CSMD1: variants seen among roughly 807,000 people sequenced by gnomAD.
The protein encoded by CSMD1 is CUB and Sushi multiple domains 1.
Under a neutral mutation model 417.5 loss-of-function variants are expected in CSMD1, and 213 were observed. The ratio of observed to expected loss-of-function variants is 0.51; its 90% CI spans 0.46 to 0.57. The LOEUF is 0.57. Among genes scored for constraint, CSMD1 ranks in the 20% least tolerant of loss-of-function variants. The probability of loss-of-function intolerance (pLI) is 0.00; values close to 1 mark genes in which losing one functional copy is unlikely to be tolerated. For missense variants in CSMD1, 6,923 were observed against 4,529.7 expected (o/e 1.53, Z -15.17); for synonymous variants, 2,862 against 1,736.8 (o/e 1.65, Z -16.11).
At chr8:4,210,250 G>A (rs749407718) in intron 3 of CSMD1, among the ~76,000 whole-genome samples, 16 of 152,184 alleles carry the variant, frequency 1.1e-4, no homozygotes, top group Non-Finnish European at 2.1e-4. Flanking sequence ...GAGGGGCAGA[G>A]GACTGCTCTT....
At chr8:3,318,829 C>G (rs1333514572) in intron 23 of CSMD1, among the ~76,000 whole-genome samples, 3 of 152,158 alleles carry the variant, frequency 2.0e-5, no homozygotes, top group Non-Finnish European at 4.4e-5. Flanking sequence ...GAAATAAATG[C>G]AGCTGCTTCC....
At chr8:3,376,941 C>G (rs1256216620) in intron 18 of CSMD1, among the ~76,000 whole-genome samples, 1 of 152,142 alleles carries the variant, frequency 6.6e-6, no homozygotes, top group Non-Finnish European at 1.5e-5. Context: ...TGGATGAAAA[C>G]TATCAAACAT....
chr8:3,411,225 G>T (rs959025520), intron 12 of CSMD1, among the ~76,000 whole-genome samples: 4 of 152,148 alleles, frequency 2.6e-5, no homozygotes, highest in Non-Finnish European at 5.9e-5. Context: ...ATTCAGGGTG[G>T]TTTCTCTGGA....
In CSMD1 at chr8:3,537,782, A is replaced by G. The variant is rs142799884; in HGVS notation, c.1344+37163T>C. 2.5e-4 allele frequency among the ~76,000 whole-genome samples: 38 copies of G among 152,364 alleles called. No individual in the cohort carries two copies. The East Asian group carries it at 4.4e-3, about 18-fold the overall frequency. ...ACAGTAAAACAAGAACACTTCACCA[A>G]TTAAAGAGTCTCATCCATAGCACTT... On this transcript the variant is annotated intron_variant, in intron 10 of 69. Transcript: ENST00000635120.
chr8:4,059,022 A>C (rs1798837667), intron 3 of CSMD1, among the ~76,000 whole-genome samples: 1 of 152,044 alleles, frequency 6.6e-6, no homozygotes, highest in Non-Finnish European at 1.5e-5. Context: ...CCTATTCCAA[A>C]ATTGACCATA....
At position 4,787,797 on chromosome 8, in the gene CSMD1, G is replaced by A. The variant is rs557749482; in HGVS notation, c.86-150239C>T. ...GACTTGTTACAGGCCAGACTGAATT[G>A]GATATCATGAGTCATGCTACACAGG... On this transcript the variant is annotated intron_variant, in intron 1 of 69. Transcript: ENST00000635120. 6.9e-5 allele frequency: 109 copies of A among 1,574,012 alleles called. No individual in the cohort carries two copies. The Admixed American group carries it at 1.2e-3, about 17-fold the overall frequency.
intron 7 of CSMD1, among the ~76,000 whole-genome samples, chr8:3,678,540 A>G (rs1799495934): frequency 6.6e-6 from 1 of 152,206 alleles, no homozygotes; most frequent in African/African-American, 2.4e-5. Flanking sequence ...GACTATGTGA[A>G]AAGACCAAAT....
chr8:2,959,174 T>C (rs1439196608), intron 62 of CSMD1, among the ~76,000 whole-genome samples: 1 of 152,230 alleles, frequency 6.6e-6, no homozygotes, highest in Non-Finnish European at 1.5e-5. Context: ...GGTGCAATCA[T>C]AGCTCATTGC....
intron 3 of CSMD1, among the ~76,000 whole-genome samples, chr8:4,087,352 C>G (rs1005783743): frequency 2.6e-5 from 4 of 152,200 alleles, no homozygotes; most frequent in Non-Finnish European, 5.9e-5. Flanking sequence ...ACTTGCAAGT[C>G]TGAATTTGCT....
Position 4,267,799 on chromosome 8 carries a change from G to T in CSMD1, c.415+152154C>A, listed in dbSNP as rs185328571. Among the ~76,000 whole-genome samples the T allele has an allele frequency of 1.2e-3, 181 of 152,098 alleles. 1 individual carries two copies. The highest frequency in any genetic ancestry group is 4.2e-3 in the African/African-American group (174 of 41,510). On this transcript the variant is annotated intron_variant, in intron 3 of 69. Transcript: ENST00000635120. ...TTTATATTGAACAATGGTATGAAAA[G>T]GTACATTGCAGGTGTGCAAAATATA...
At chr8:3,423,933 A>G (rs187485375) in intron 12 of CSMD1, among the ~76,000 whole-genome samples, 189 of 152,266 alleles carry the variant, frequency 1.2e-3, no homozygotes, top group African/African-American at 4.4e-3. Context: ...CACCTCAATT[A>G]TTTAACTATT....
rs757341931 is a variant in CSMD1 at position 3,348,200 on chromosome 8, G to C, written c.3305-39C>G. The stretch of plus-strand genomic sequence containing the variant: ...GACATGAGAGAAAGAGGATTCAAAA[G>C]TGGAATTACTGTTTTTAACAGATTA... On this transcript the variant is annotated intron_variant, in intron 21 of 69. Coordinates refer to ENST00000635120, the MANE Select transcript of CSMD1 (RefSeq NM_033225.6). 4 of 1,537,890 alleles carry C rather than the reference G, an allele frequency of 2.6e-6. 1 individual carries two copies. Among genetic ancestry groups the C allele is most frequent in the Middle Eastern group, 3.9e-4 (2 of 5,084 alleles).
intron 3 of CSMD1, among the ~76,000 whole-genome samples, chr8:4,126,826 T>C (rs1267393754): frequency 1.3e-5 from 2 of 152,152 alleles, no homozygotes; most frequent in Non-Finnish European, 2.9e-5. Context: ...GTAGGAGATG[T>C]CCAGGACAAG....
intron 3 of CSMD1, among the ~76,000 whole-genome samples, chr8:4,361,366 T>G (rs775964328): frequency 1.4e-5 from 2 of 146,512 alleles, no homozygotes; most frequent in African/African-American, 2.6e-5. Context: ...GATTTTTAAT[T>G]GATTTAATGT....
intron 3 of CSMD1, among the ~76,000 whole-genome samples, chr8:4,153,906 C>G (rs1286314821): frequency 6.6e-6 from 1 of 152,234 alleles, no homozygotes; most frequent in Non-Finnish European, 1.5e-5. Flanking sequence ...ATTCCATCAT[C>G]TAACCCAGCC....
intron 3 of CSMD1, among the ~76,000 whole-genome samples, chr8:4,409,211 T>C (rs1275447813): frequency 6.6e-6 from 1 of 152,182 alleles, no homozygotes; most frequent in Non-Finnish European, 1.5e-5. Flanking sequence ...TGGAAATGAA[T>C]TTGATTGATG....
intron 2 of CSMD1, among the ~76,000 whole-genome samples, chr8:4,458,422 T>A (rs1353706314): frequency 4.6e-5 from 7 of 152,214 alleles, no homozygotes; most frequent in Non-Finnish European, 8.8e-5. Context: ...CAGTGATTTT[T>A]ATCAGTTGGT....
At chr8:3,841,861 T>A (rs1803158737) in intron 5 of CSMD1, among the ~76,000 whole-genome samples, 1 of 150,968 alleles carries the variant, frequency 6.6e-6, no homozygotes, top group African/African-American at 2.4e-5. Flanking sequence ...TCCTCAAGGG[T>A]CCTGGCCCTT....
intron 1 of CSMD1, among the ~76,000 whole-genome samples, chr8:4,643,038 C>G (rs1803300641): frequency 6.6e-6 from 1 of 152,178 alleles, no homozygotes; most frequent in Non-Finnish European, 1.5e-5. Context: ...TTGTCTCCAA[C>G]TCTGGGGCCT....
Sources: gnomAD v4.1 joint callset for allele counts (sites outside exome capture counted in the v4.1 genomes callset) on GRCh38, gnomAD v4.1.1 for gene constraint, MANE v1.5 for transcripts, NCBI Gene and HGNC (gene_info 2026-07-23, HGNC 2026-07-21) for gene names.